The following GAB2 variants were observed in gnomAD, a reference collection of about 807,000 sequenced individuals.
The protein encoded by GAB2 is GRB2 associated binding protein 2.
Under a neutral mutation model 65.5 loss-of-function variants are expected in GAB2, and 26 were observed. The observed-to-expected ratio is 0.40, with a 90% CI of 0.29 to 0.55. The LOEUF is 0.55. GAB2 is among the 20% of genes least tolerant of loss of function. The pLI, the probability that GAB2 is intolerant of heterozygous loss-of-function variation, is 0.53. For missense variants in GAB2, 884 were observed against 875.8 expected (o/e 1.01, Z -0.12); for synonymous variants, 321 against 329.6 (o/e 0.97, Z 0.28).
At chr11:78,412,845 C>A (rs954254208) in intron 1 of GAB2, among the ~76,000 whole-genome samples, 7 of 152,134 alleles carry the variant, frequency 4.6e-5, no homozygotes, top group African/African-American at 1.7e-4. Context: ...AAGCATAGTG[C>A]CTGGTACAAA....
At chr11:78,343,979 G>C (rs183382973) in intron 1 of GAB2, among the ~76,000 whole-genome samples, 1 of 152,212 alleles carries the variant, frequency 6.6e-6, no homozygotes, top group Admixed American at 6.5e-5. Flanking sequence ...AGACAACAAG[G>C]AGAGTAACGG....
intron 1 of GAB2, among the ~76,000 whole-genome samples, chr11:78,413,824 T>G (rs1180048952): frequency 2.0e-5 from 3 of 152,014 alleles, no homozygotes; most frequent in African/African-American, 7.3e-5. Flanking sequence ...GTGGCTCATG[T>G]CTGTCTGTAA....
In GAB2 at chr11:78,225,161, C is replaced by T; in HGVS notation, c.1249G>A (p.Glu417Lys). 6.2e-7 allele frequency: 1 copy of T among 1,613,732 alleles called. No individual in the cohort carries two copies. The highest frequency in any genetic ancestry group is 1.3e-5 in the African/African-American group (1 of 75,050). Reference sequence around the variant, plus strand: ...GATTCAGCAGACCGGCCTGCACTCTCTCCACCACGCTGTGGGTACTCGTAG... The same window carrying T: ...GATTCAGCAGACCGGCCTGCACTCTTTCCACCACGCTGTGGGTACTCGTAG... Reference protein sequence around the residue: ...ETYEYPQRGGESAGRSAESMS... With the variant: ...ETYEYPQRGGKSAGRSAESMS... Residue 417 changes from glutamate (E) to lysine (K), a missense_variant, in exon 5 of 10, where the codon GAG becomes AAG. Coordinates refer to ENST00000361507, the MANE Select transcript of GAB2 (RefSeq NM_080491.3).
At chr11:78,246,543 G>A (rs1865302754) in intron 3 of GAB2, among the ~76,000 whole-genome samples, 1 of 152,078 alleles carries the variant, frequency 6.6e-6, no homozygotes, top group South Asian at 2.1e-4. Flanking sequence ...CAGTTGCCCA[G>A]GCTGGAGTGC....
At position 78,226,590 on chromosome 11, in the gene GAB2, G is replaced by A. The variant is rs755010632; in HGVS notation, c.1082C>T (p.Ala361Val). The A allele has an allele frequency of 4.9e-6, 7 of 1,428,506 alleles. No homozygotes were observed. Among genetic ancestry groups the A allele is most frequent in the Non-Finnish European group, 5.8e-6 (6 of 1,040,804 alleles). The allele number at this position is 1,428,506 out of a possible 1,614,324, so 88.5% of individuals were successfully genotyped here. A position where few individuals can be genotyped will look rare whatever the true frequency, so the allele number is the denominator to read the frequency against. ...PPPRPPKPSQ[A>V]ETPRWGSPQQ... ...AGGACTGCCCCATCGAGGTGTTTCT[G>A]CCTGACTTGGCTTGGGGGGGCGGGG... Residue 361 changes from alanine (A) to valine (V), a missense_variant, in exon 4 of 10, where the codon GCA (alanine) becomes GTA (valine). Coordinates refer to ENST00000361507, the MANE Select transcript of GAB2 (RefSeq NM_080491.3).
intron 1 of GAB2, among the ~76,000 whole-genome samples, chr11:78,309,399 C>G (rs1392597543): frequency 2.0e-5 from 3 of 151,940 alleles, no homozygotes; most frequent in African/African-American, 7.3e-5. Context: ...CAGTCCCTGT[C>G]CCCCTCCCCA....
chr11:78,282,262 C>G (rs1056381303), intron 1 of GAB2, among the ~76,000 whole-genome samples: 1 of 151,910 alleles, frequency 6.6e-6, no homozygotes, highest in South Asian at 2.1e-4. Flanking sequence ...CTACATATAA[C>G]AGAAATCTGC....
chr11:78,219,104 C>G lies in GAB2; in HGVS notation c.*168G>C. On this transcript the variant is annotated 3_prime_UTR_variant, in exon 10 of 10. Transcript: ENST00000361507. Reference sequence around the variant, plus strand: ...AGAGGAGGTGCCTTGATCAGGCCCTCACCTCCCAGGGGAAGGGTTCAGGGT... The same window carrying G: ...AGAGGAGGTGCCTTGATCAGGCCCTGACCTCCCAGGGGAAGGGTTCAGGGT... 1 of 641,242 alleles carries G rather than the reference C, an allele frequency of 1.6e-6. No individual in the cohort carries two copies. The highest frequency in any genetic ancestry group is 1.8e-5 in the African/African-American group (1 of 54,740). 39.7% of individuals were successfully genotyped at this position (641,242 alleles called of 1,614,324 possible).
At chr11:78,386,039 A>G (rs1327716005) in intron 1 of GAB2, among the ~76,000 whole-genome samples, 1 of 152,196 alleles carries the variant, frequency 6.6e-6, no homozygotes, top group Non-Finnish European at 1.5e-5. Flanking sequence ...TCAGTGCCTG[A>G]GATATATGAT....
intron 1 of GAB2, among the ~76,000 whole-genome samples, chr11:78,310,047 T>C (rs550874944): frequency 8.1e-4 from 122 of 151,082 alleles, no homozygotes; most frequent in Non-Finnish European, 1.5e-3. Flanking sequence ...TTACAGGCAT[T>C]AGAGGGCAGA....
At chr11:78,362,940 A>G (rs1381396949) in intron 1 of GAB2, among the ~76,000 whole-genome samples, 1 of 152,192 alleles carries the variant, frequency 6.6e-6, no homozygotes, top group Admixed American at 6.5e-5. Context: ...AAGTATGTGT[A>G]CCTAGTAATA....
chr11:78,222,312 C>A, intron 6 of GAB2, 117 bp from the exon 7 acceptor site: 1 of 695,254 alleles, frequency 1.4e-6, no homozygotes, highest in Non-Finnish European at 2.6e-6. Flanking sequence ...TCCAGTTTCA[C>A]ACAGGGAAAC....
At chr11:78,233,390 G>T (rs1864900054) in intron 3 of GAB2, among the ~76,000 whole-genome samples, 1 of 152,138 alleles carries the variant, frequency 6.6e-6, no homozygotes, top group South Asian at 2.1e-4. Context: ...ATCTCACTGA[G>T]ATTTTAATTT....
chr11:78,305,468 G>A (rs1351016935), intron 1 of GAB2, among the ~76,000 whole-genome samples: 3 of 152,202 alleles, frequency 2.0e-5, no homozygotes, highest in Non-Finnish European at 4.4e-5. Flanking sequence ...CTCCACAGAG[G>A]GGAGGTGGCA....
intron 1 of GAB2, among the ~76,000 whole-genome samples, chr11:78,366,727 A>G (rs772160237): frequency 6.7e-6 from 1 of 148,558 alleles, no homozygotes; most frequent in Non-Finnish European, 1.5e-5. Flanking sequence ...ATTTTCTCCA[A>G]GCCCTATCCC....
intron 1 of GAB2, among the ~76,000 whole-genome samples, chr11:78,409,741 G>T (rs1378650701): frequency 6.6e-6 from 1 of 151,870 alleles, no homozygotes; most frequent in Admixed American, 6.6e-5. Flanking sequence ...GGATATAAAA[G>T]AATTATATAT....
At chr11:78,395,791 A>G (rs1286362948) in intron 1 of GAB2, among the ~76,000 whole-genome samples, 1 of 152,226 alleles carries the variant, frequency 6.6e-6, no homozygotes, top group Admixed American at 6.5e-5. Context: ...AAGCTCAGAA[A>G]GATTAAGAAA....
At chr11:78,385,071 A>G (rs1434619599) in intron 1 of GAB2, among the ~76,000 whole-genome samples, 1 of 152,242 alleles carries the variant, frequency 6.6e-6, no homozygotes, top group African/African-American at 2.4e-5. Flanking sequence ...ACTATCCTAT[A>G]ATATCGGTTT....
chr11:78,388,405 C>T lies in GAB2; in HGVS notation c.75+29241G>A, dbSNP rs139554629. On this transcript the variant is annotated intron_variant, in intron 1 of 9. Coordinates refer to ENST00000361507, the MANE Select transcript of GAB2 (RefSeq NM_080491.3). Reference sequence around the variant, plus strand: ...GCAGTGGCATGATCACACGTCACTGCAGCCTCAACTTCCTGGGCTTGGGCA... The same window carrying T: ...GCAGTGGCATGATCACACGTCACTGTAGCCTCAACTTCCTGGGCTTGGGCA... Among the ~76,000 whole-genome samples, 80 of 152,024 alleles carry T rather than the reference C, an allele frequency of 5.3e-4. 1 individual carries two copies. The East Asian group carries it at 0.014, about 27-fold the overall frequency.
Sources: allele counts gnomAD v4.1 joint callset (sites outside exome capture counted in the v4.1 genomes callset), GRCh38; gene constraint gnomAD v4.1.1; transcripts MANE v1.5; gene names NCBI Gene and HGNC (gene_info 2026-07-23, HGNC 2026-07-21).